Variants in DGLUCY observed in about 807,000 individuals in gnomAD.
The protein encoded by DGLUCY is D-glutamate cyclase, mitochondrial.
In DGLUCY, 58 loss-of-function variants were observed where a neutral mutation model predicts 58.5. The observed-to-expected ratio is 0.99, with a 90% confidence interval of 0.80 to 1.23. The LOEUF (loss-of-function observed/expected upper bound fraction) is 1.23. Among genes scored for constraint, DGLUCY ranks in the 50% most tolerant of loss-of-function variants. The probability of loss-of-function intolerance (pLI) is 0.00; values close to 1 mark genes in which losing one functional copy is unlikely to be tolerated. For missense variants in DGLUCY, 779 were observed against 784.7 expected, an observed-to-expected ratio of 0.99 and a Z score of 0.09; for synonymous variants, 325 against 314.1, an observed-to-expected ratio of 1.03 and a Z score of -0.37.
At chr14:91,102,444 C>T (rs1301853051) in intron 1 of DGLUCY, among the ~76,000 whole-genome samples, 2 of 152,072 alleles carry the variant, frequency 1.3e-5, no homozygotes, top group South Asian at 2.1e-4. Flanking sequence ...TGTTGATTTC[C>T]ACCTGGTCTC....
chr14:91,132,481 T>TC, intron 1 of DGLUCY, among the ~76,000 whole-genome samples: 1 of 150,956 alleles, frequency 6.6e-6, no homozygotes. Flanking sequence ...ACTTTTTCTT[T>TC]TTTTTTTTTT....
At chr14:91,149,273 AAAAG>A (rs2047183035) in intron 1 of DGLUCY, among the ~76,000 whole-genome samples, 1 of 151,848 alleles carries the variant, frequency 6.6e-6, no homozygotes, top group Non-Finnish European at 1.5e-5. Flanking sequence ...AAAAGAAAAG[AAAAG>A]AAAGAAACTG....
At chr14:91,171,174 A>T (rs1024617347) in intron 5 of DGLUCY, among the ~76,000 whole-genome samples, 3 of 152,114 alleles carry the variant, frequency 2.0e-5, no homozygotes, top group Admixed American at 2.0e-4. Context: ...CTCATTTTAG[A>T]TGAGGAAACC....
intron 12 of DGLUCY, among the ~76,000 whole-genome samples, chr14:91,208,199 C>T (rs1013570546): frequency 4.6e-5 from 7 of 152,022 alleles, no homozygotes; most frequent in Admixed American, 2.6e-4. Flanking sequence ...GCCACAACTG[C>T]CTTGCAAGAA....
intron 1 of DGLUCY, among the ~76,000 whole-genome samples, chr14:91,063,620 T>A (rs11159987): frequency 0.29 from 44,670 of 152,164 alleles, 6,640 homozygotes; most frequent in Middle Eastern, 0.34. Context: ...TTCATATGTG[T>A]AATATGGAGG....
chr14:91,107,290 G>A (rs189473652), upstream of DGLUCY, among the ~76,000 whole-genome samples: 76 of 151,922 alleles, frequency 5.0e-4, no homozygotes, highest in Middle Eastern at 3.4e-3. Flanking sequence ...AAGCTGAGGC[G>A]GGTGGATCAT....
intron 13 of DGLUCY, chr14:91,220,772 G>A (rs767953614): frequency 2.3e-5 from 10 of 431,578 alleles, no homozygotes; most frequent in Admixed American, 9.6e-5. Flanking sequence ...CGCCTGCCTC[G>A]TCATTGCCTG....
upstream of DGLUCY, among the ~76,000 whole-genome samples, chr14:91,111,312 C>T (rs1325967642): frequency 1.4e-5 from 2 of 144,998 alleles, no homozygotes; most frequent in Non-Finnish European, 3.0e-5. Context: ...GATGGAGTCT[C>T]ACTCGGTGGC....
chr14:91,197,484 ATCTGCAGACC>A (rs2140560549), intron 10 of DGLUCY, among the ~76,000 whole-genome samples: 1 of 152,318 alleles, frequency 6.6e-6, no homozygotes, highest in Non-Finnish European at 1.5e-5. Context: ...ATCACCATCC[ATCTGCAGACC>A]TCTTTTCATC....
intron 1 of DGLUCY, among the ~76,000 whole-genome samples, chr14:91,072,859 A>C (rs1038957771): frequency 3.3e-5 from 5 of 152,090 alleles, no homozygotes; most frequent in Non-Finnish European, 5.9e-5. Context: ...AATACAAAAA[A>C]TTAGCTGGGC....
At position 91,188,935 on chromosome 14, in the gene DGLUCY, C is replaced by T. The variant is rs764773094; in HGVS notation, c.960C>T (p.Leu320=). The change falls in exon 9 of 14, where the codon CTC becomes CTT. Residue 320 remains leucine (L), a synonymous_variant. Coordinates refer to ENST00000256324, the MANE Select transcript of DGLUCY (RefSeq NM_001102368.3). ...DPGNRGIGHL[L]CKDELLKASL... is the part of the protein sequence containing the mutation. ...GGAACCGGGGGATTGGGCACCTGCT[C>T]TGTAAAGATGAGCTGCTGAAGGCCT... is the stretch of plus-strand genomic sequence containing the variant. 1 of 1,614,174 alleles carries T rather than the reference C, an allele frequency of 6.2e-7. No homozygotes were observed. The highest frequency in any genetic ancestry group is 1.7e-5 in the Admixed American group (1 of 60,008).
At chr14:91,144,243 A>G (rs1301587869) in intron 1 of DGLUCY, among the ~76,000 whole-genome samples, 2 of 152,196 alleles carry the variant, frequency 1.3e-5, no homozygotes, top group African/African-American at 4.8e-5. Context: ...GTTTGGTAAC[A>G]AACATTTATC....
intron 1 of DGLUCY, among the ~76,000 whole-genome samples, chr14:91,065,633 C>A (rs1280452666): frequency 1.3e-5 from 2 of 152,058 alleles, no homozygotes; most frequent in Admixed American, 1.3e-4. Flanking sequence ...TAATGTACAA[C>A]CAAGTTTGTA....
At chr14:91,109,189 A>C (rs895993525), upstream of DGLUCY, among the ~76,000 whole-genome samples, 1 of 152,138 alleles carries the variant, frequency 6.6e-6, no homozygotes, top group Non-Finnish European at 1.5e-5. Flanking sequence ...TGTGGCTGAG[A>C]AATATACTTT....
intron 1 of DGLUCY, among the ~76,000 whole-genome samples, chr14:91,133,340 G>C (rs1418431510): frequency 6.6e-6 from 1 of 151,996 alleles, no homozygotes; most frequent in African/African-American, 2.4e-5. Flanking sequence ...CTTTTTAAAG[G>C]CTGAATAATA....
intron 13 of DGLUCY, among the ~76,000 whole-genome samples, chr14:91,224,411 ATT>A (rs1390219882): frequency 1.3e-5 from 2 of 152,210 alleles, no homozygotes; most frequent in Non-Finnish European, 2.9e-5. Context: ...AAAGCATATT[ATT>A]TAGTTACATA....
chr14:91,091,479 G>A (rs953039935), intron 1 of DGLUCY, among the ~76,000 whole-genome samples: 4 of 152,096 alleles, frequency 2.6e-5, no homozygotes, highest in African/African-American at 9.7e-5. Flanking sequence ...CCTAGATCAC[G>A]CCACTACACT....
At chr14:91,073,983 C>T (rs1372216727) in intron 1 of DGLUCY, among the ~76,000 whole-genome samples, 3 of 151,292 alleles carry the variant, frequency 2.0e-5, no homozygotes, top group Admixed American at 6.6e-5. Context: ...TTGCCTGGCA[C>T]GGTGGCTCAC....
intron 7 of DGLUCY, among the ~76,000 whole-genome samples, chr14:91,176,457 C>G (rs181027945): frequency 1.3e-5 from 2 of 152,266 alleles, no homozygotes; most frequent in East Asian, 3.9e-4. Context: ...ATCTCCTGAC[C>G]TCGTGGTCTG....
Sources: allele counts gnomAD v4.1 joint callset (sites outside exome capture counted in the v4.1 genomes callset), GRCh38; gene constraint gnomAD v4.1.1; transcripts MANE v1.5; gene names NCBI Gene and HGNC (gene_info 2026-07-23, HGNC 2026-07-21).